The following F13A1 variants were observed in gnomAD, a reference collection of about 807,000 sequenced individuals.
The protein encoded by F13A1 is coagulation factor XIII A chain.
A neutral mutation model predicts 80.1 loss-of-function variants in F13A1; 47 were observed. The ratio of observed to expected loss-of-function variants is 0.59; its 90% CI spans 0.46 to 0.75. The LOEUF (loss-of-function observed/expected upper bound fraction) is 0.75. Ranked by LOEUF, F13A1 falls within the 30% of genes least tolerant of loss-of-function variation. The pLI is 0.00. For missense variants in F13A1, 817 were observed against 930.4 expected, an observed-to-expected ratio of 0.88 and a Z score of 1.59; for synonymous variants, 349 against 344.9, an observed-to-expected ratio of 1.01 and a Z score of -0.13.
At chr6:6,236,075 G>C (rs1419049910) in intron 6 of F13A1, among the ~76,000 whole-genome samples, 1 of 152,132 alleles carries the variant, frequency 6.6e-6, no homozygotes, top group African/African-American at 2.4e-5. Flanking sequence ...GATTATATTT[G>C]TGTAAAAGTC....
At chr6:6,178,511 G>C (rs1440525157) in intron 11 of F13A1, among the ~76,000 whole-genome samples, 1 of 152,136 alleles carries the variant, frequency 6.6e-6, no homozygotes, top group Non-Finnish European at 1.5e-5. Flanking sequence ...GAGGGAGAGA[G>C]TGAGAGGTGT....
intron 3 of F13A1, among the ~76,000 whole-genome samples, chr6:6,303,522 T>G (rs951242827): frequency 3.3e-5 from 5 of 152,206 alleles, no homozygotes; most frequent in Non-Finnish European, 7.4e-5. Context: ...TATTCATTCC[T>G]TCACATACCA....
intron 2 of F13A1, among the ~76,000 whole-genome samples, chr6:6,307,390 A>C (rs368352046): frequency 2.0e-5 from 3 of 152,116 alleles, no homozygotes; most frequent in African/African-American, 4.8e-5. Flanking sequence ...AGACCTCTCT[A>C]TTCCAAGCTG....
intron 10 of F13A1, among the ~76,000 whole-genome samples, chr6:6,184,061 C>A (rs2151077825): frequency 6.6e-6 from 1 of 152,324 alleles, no homozygotes; most frequent in Non-Finnish European, 1.5e-5. Context: ...GTTCTGAGTG[C>A]ACATGAAGTC....
rs369187276 is a variant in F13A1, at chr6:6,167,531, C to G, written c.1835G>C (p.Arg612Pro). 1 of 1,613,994 alleles carries G rather than the reference C, an allele frequency of 6.2e-7. No homozygotes were observed. The highest frequency in any genetic ancestry group is 1.7e-5 in the Admixed American group (1 of 60,004). ...QASLHFFVTA[R>P]INETRDVLAK... ...CAGAACATCCCTGGTCTCATTGATG[C>G]GAGCTGTGACAAAGAAGTGCAGGGA... The change falls in exon 13 of 15, where the codon CGC becomes CCC. Residue 612 changes from arginine to proline, a missense_variant. Physicochemically the swap from Arg to Pro is moderately radical, Grantham distance 103 (BLOSUM62 -2). Coordinates refer to ENST00000264870, the MANE Select transcript of F13A1 (RefSeq NM_000129.4).
chr6:6,224,723 A>C lies in F13A1; in HGVS notation c.936T>G (p.Tyr312Ter). The change falls in exon 7 of 15, where the codon TAT (tyrosine) becomes TAG (stop). Residue 312 changes from tyrosine (Y) to a stop codon, truncating the protein, a stop_gained. Transcript: ENST00000264870. LOFTEE classifies it high-confidence loss of function. ...EYRSSENPVR[Y>*]GQCWVFAGVF... ...CACCAGCAAAAACCCAGCATTGGCCATACCGGACTGGATTCTCAGAGCTCC... is the reference window on the plus strand; with the variant it reads ...CACCAGCAAAAACCCAGCATTGGCCCTACCGGACTGGATTCTCAGAGCTCC... The C allele has an allele frequency of 6.2e-7, 1 of 1,614,146 alleles. No individual in the cohort carries two copies. The highest frequency in any genetic ancestry group is 1.1e-5 in the South Asian group (1 of 91,082).
chr6:6,167,421 C>G (rs368920004), intron 13 of F13A1, 37 bp downstream of exon 13: 1 of 1,608,794 alleles, frequency 6.2e-7, no homozygotes. Flanking sequence ...GTCTGCGTGC[C>G]TTTGTCTCTG....
chr6:6,283,098 G>A (rs996384620), intron 3 of F13A1, among the ~76,000 whole-genome samples: 6 of 152,176 alleles, frequency 3.9e-5, no homozygotes, highest in African/African-American at 1.4e-4. Context: ...GCACCAAGAA[G>A]AACACAGCAT....
At chr6:6,173,404 C>CTTTTTTT (rs1401906503) in intron 12 of F13A1, among the ~76,000 whole-genome samples, 1 of 144,054 alleles carries the variant, frequency 6.9e-6, no homozygotes, top group Admixed American at 7.0e-5. Context: ...AGCCTCCATT[C>CTTTTTTT]TTTTCTTTTT....
At chr6:6,282,563 C>A (rs953872221) in intron 3 of F13A1, among the ~76,000 whole-genome samples, 14 of 152,294 alleles carry the variant, frequency 9.2e-5, no homozygotes, top group African/African-American at 3.4e-4. Context: ...GCAGGGGTAA[C>A]CCCAACAGTC....
chr6:6,313,226 T>C (rs772113678), intron 2 of F13A1, among the ~76,000 whole-genome samples: 25 of 151,778 alleles, frequency 1.6e-4, no homozygotes, highest in Non-Finnish European at 2.8e-4. Flanking sequence ...TGAATTTGCT[T>C]CCCCTGTCCA....
chr6:6,257,837 T>A (rs1299156962), intron 4 of F13A1, among the ~76,000 whole-genome samples: 2 of 152,344 alleles, frequency 1.3e-5, no homozygotes, highest in East Asian at 3.9e-4. Flanking sequence ...TTTAGTGTAC[T>A]GAGATATCTT....
rs76024986 is a variant in F13A1 at position 6,274,546 on chromosome 6, T to C, written c.320-7737A>G. Among the ~76,000 whole-genome samples, 1,375 of 152,264 alleles carry C rather than the reference T, an allele frequency of 9.0e-3. 24 individuals are homozygous for C. Among genetic ancestry groups the C allele is most frequent in the African/African-American group, 0.031 (1,283 of 41,546 alleles). On this transcript the variant is annotated intron_variant, in intron 3 of 14. Transcript: ENST00000264870. Reference sequence around the variant, plus strand: ...TGATGCCAGTGGCATTCACAGGAAGTAAGAACATAACATGAACTTCAGAGA... The same window carrying C: ...TGATGCCAGTGGCATTCACAGGAAGCAAGAACATAACATGAACTTCAGAGA...
chr6:6,289,334 C>G (rs1375009469), intron 3 of F13A1, among the ~76,000 whole-genome samples: 1 of 152,098 alleles, frequency 6.6e-6, no homozygotes, highest in East Asian at 1.9e-4. Context: ...CTGAGATGGC[C>G]TACAAATGGC....
At position 6,231,274 on chromosome 6, in the gene F13A1, C is replaced by T. The variant is rs141811226; in HGVS notation, c.799-6414G>A. Among the ~76,000 whole-genome samples the T allele has an allele frequency of 3.4e-3, 518 of 152,000 alleles. 4 individuals carry two copies. Among genetic ancestry groups the T allele is most frequent in the African/African-American group, 0.012 (484 of 41,490 alleles). On this transcript the variant is annotated intron_variant, in intron 6 of 14. Transcript: ENST00000264870. ...AACTTTGCACACACTTTTACGAATG[C>T]GAAATGCTCTGGAAAGTCTCAGCAA...
chr6:6,266,622 G>A lies in F13A1; in HGVS notation c.507C>T (p.Gly169=), dbSNP rs768436968. Residue 169 remains glycine (G), a synonymous_variant, in exon 4 of 15, where the codon GGC becomes GGT. Transcript: ENST00000264870. The part of the protein sequence containing the change: ...RMYVAVWTPY[G]VLRTSRNPET... ...CTGGGTTTCGACTGGTTCGAAGTAC[G>A]CCATAGGGAGTCCAGACAGCAACAT... The A allele has an allele frequency of 5.4e-5, 87 of 1,614,072 alleles. No individual in the cohort carries two copies. The highest frequency in any genetic ancestry group is 2.3e-4 in the Admixed American group (14 of 60,012).
intron 12 of F13A1, among the ~76,000 whole-genome samples, chr6:6,168,009 C>G (rs1189669484): frequency 6.6e-6 from 1 of 152,162 alleles, no homozygotes; most frequent in South Asian, 2.1e-4. Flanking sequence ...TCCAAGGCCC[C>G]CATTCCACAT....
At chr6:6,146,305 A>G (rs571420156) in intron 14 of F13A1, among the ~76,000 whole-genome samples, 2 of 152,142 alleles carry the variant, frequency 1.3e-5, no homozygotes, top group Non-Finnish European at 2.9e-5. Context: ...CTGCCATTTG[A>G]CTTTGAGAAT....
chr6:6,313,986 C>CTTTTTTT (rs10690734), intron 2 of F13A1, among the ~76,000 whole-genome samples: 10 of 142,116 alleles, frequency 7.0e-5, no homozygotes, highest in African/African-American at 2.6e-4. Flanking sequence ...TCTCCTTACT[C>CTTTTTTT]TTTTTTTTTT....
Sources: gnomAD v4.1 joint callset for allele counts (sites outside exome capture counted in the v4.1 genomes callset) on GRCh38, gnomAD v4.1.1 for gene constraint, MANE v1.5 for transcripts, NCBI Gene and HGNC (gene_info 2026-07-23, HGNC 2026-07-21) for gene names.